The following DNAJA4 variants were observed in gnomAD, a reference collection of about 807,000 sequenced individuals.
DNAJA4 encodes DnaJ heat shock protein family (Hsp40) member A4.
Under a neutral mutation model 39.7 loss-of-function variants are expected in DNAJA4, and 32 were observed. The ratio of observed to expected loss-of-function variants is 0.81; its 90% CI spans 0.61 to 1.08. The LOEUF (loss-of-function observed/expected upper bound fraction) is 1.08. Ranked by LOEUF, DNAJA4 falls within the 50% of genes least tolerant of loss-of-function variation. DNAJA4 has a pLI of 0.00. For missense variants in DNAJA4, 439 were observed against 505.1 expected (o/e 0.87, Z 1.25); for synonymous variants, 184 against 182.4 (o/e 1.01, Z -0.07).
At chr15:78,267,165 A>T (rs1205732435) in intron 1 of DNAJA4, among the ~76,000 whole-genome samples, 12 of 108,736 alleles carry the variant, frequency 1.1e-4, no homozygotes, top group East Asian at 3.0e-4. Flanking sequence ...TGTGTATGTG[A>T]GTGTGTGAGT....
rs377270562 is a variant in DNAJA4 at position 78,275,745 on chromosome 15, T to C, written c.877+17T>C. On this transcript the variant is annotated intron_variant, in intron 5 of 6. Coordinates refer to ENST00000394852, the MANE Select transcript of DNAJA4 (RefSeq NM_001130182.2). ...CCAAAGCAGGTAATGTTTCAAAGTG[T>C]GTTTCCATTGATGTTCTGTATGTTT... 2 of 1,544,286 alleles carry C rather than the reference T, an allele frequency of 1.3e-6. No homozygotes were observed. The highest frequency in any genetic ancestry group is 1.4e-5 in the African/African-American group (1 of 73,546).
At chr15:78,264,241 G>A, upstream of DNAJA4, 2 of 891,342 alleles carry the variant, frequency 2.2e-6, no homozygotes, top group South Asian at 2.5e-5. Flanking sequence ...AGGGCAAGGG[G>A]GCGGCCTCGG....
rs1235451823 is a variant in DNAJA4 at position 78,275,720 on chromosome 15, C to T, written c.869C>T (p.Ser290Phe). 1 of 1,599,992 alleles carries T rather than the reference C, an allele frequency of 6.3e-7. No individual in the cohort carries two copies. The highest frequency in any genetic ancestry group is 1.7e-5 in the Admixed American group (1 of 59,874). Residue 290 changes from serine to phenylalanine, a missense_variant, in exon 5 of 7, where the codon TCC (serine) becomes TTC (phenylalanine). Physicochemically the swap from Ser to Phe is radical, Grantham distance 155. Coordinates refer to ENST00000394852, the MANE Select transcript of DNAJA4 (RefSeq NM_001130182.2). ...GACAATCGAATTCTTGTTATTACAT[C>T]CAAAGCAGGTAATGTTTCAAAGTGT... ...TLDNRILVIT[S>F]KAGEVIKHGD...
At chr15:78,265,126 C>T (rs550134690) in intron 1 of DNAJA4, among the ~76,000 whole-genome samples, 1 of 152,178 alleles carries the variant, frequency 6.6e-6, no homozygotes, top group Non-Finnish European at 1.5e-5. Flanking sequence ...TTGGGTCCCT[C>T]GCGAGTCCCT....
In DNAJA4 at chr15:78,280,105, A is replaced by G. The variant is rs767372952; in HGVS notation, c.938A>G (p.Lys313Arg). 5 of 1,614,088 alleles carry G rather than the reference A, an allele frequency of 3.1e-6. No homozygotes were observed. The highest frequency in any genetic ancestry group is 1.3e-5 in the African/African-American group (1 of 74,946). The change falls in exon 6 of 7, where the codon AAA becomes AGA. Residue 313 changes from lysine (K) to arginine (R), a missense_variant. By Grantham distance (26) the Lys-to-Arg change is conservative (BLOSUM62 2). Transcript: ENST00000394852. ...CVRDEGMPIY[K>R]APLEKGILII... ...CGCGATGAAGGAATGCCCATCTACA[A>G]AGCACCCCTGGAAAAAGGGATTCTG...
intron 1 of DNAJA4, chr15:78,266,156 A>G (rs2141425607): frequency 1.4e-6 from 2 of 1,453,056 alleles, no homozygotes; most frequent in African/African-American, 1.4e-5. Context: ...CCTGCTCCCT[A>G]CATTCATTGT....
Position 78,275,602 on chromosome 15 carries a change from G to A in DNAJA4, c.751G>A (p.Val251Ile), listed in dbSNP as rs1021798739. The A allele has an allele frequency of 6.2e-7, 1 of 1,614,178 alleles. No individual in the cohort carries two copies. Among genetic ancestry groups the A allele is most frequent in the Admixed American group, 1.7e-5 (1 of 60,030 alleles). Residue 251 changes from valine (V) to isoleucine (I), a missense_variant, in exon 5 of 7, where the codon GTC becomes ATC. Physicochemically the swap from Val to Ile is conservative, Grantham distance 29. Transcript: ENST00000394852. ...TGTGCTTGATCAGAAGGATCATAGTGTCTTTCAGAGACGAGGCCATGACTT... is the reference window on the plus strand; with the variant it reads ...TGTGCTTGATCAGAAGGATCATAGTATCTTTCAGAGACGAGGCCATGACTT... ...IIVLDQKDHS[V>I]FQRRGHDLIM...
Position 78,280,565 on chromosome 15 carries a change from G to A in DNAJA4, c.*105G>A, listed in dbSNP as rs544023673. 2.5e-5 allele frequency: 24 copies of A among 975,704 alleles called. No individual in the cohort carries two copies. Among genetic ancestry groups the A allele is most frequent in the Non-Finnish European group, 3.3e-5 (22 of 668,064 alleles). 60.4% of individuals were successfully genotyped at this position (975,704 alleles called of 1,614,324 possible). A position where few individuals can be genotyped will look rare whatever the true frequency, so the allele number is the denominator to read the frequency against. On this transcript the variant is annotated 3_prime_UTR_variant, in exon 7 of 7. Transcript: ENST00000394852. The stretch of plus-strand genomic sequence containing the variant: ...AATGGCCTTGTGTTTGGGATGTCCT[G>A]TGTATGTGTTCAGCATTCTTAATTG...
upstream of DNAJA4, chr15:78,264,282 C>T: frequency 7.4e-7 from 1 of 1,358,102 alleles, no homozygotes; most frequent in Non-Finnish European, 9.5e-7. Flanking sequence ...AGGGCGCCCT[C>T]CAGGCCCAAG....
intron 5 of DNAJA4, among the ~76,000 whole-genome samples, chr15:78,278,586 T>C (rs182732200): frequency 1.3e-5 from 2 of 152,302 alleles, no homozygotes; most frequent in Admixed American, 6.5e-5. Context: ...AGTAAAAGTT[T>C]GGTGTAATCT....
intron 5 of DNAJA4, chr15:78,277,841 T>A (rs959273066): frequency 2.8e-6 from 1 of 351,306 alleles, no homozygotes; most frequent in Non-Finnish European, 5.6e-6. Context: ...GAAATCCATT[T>A]CCTTCTTTAT....
rs575621077 is a variant in DNAJA4, at chr15:78,281,958, T to A, written c.*1498T>A. On this transcript the variant is annotated 3_prime_UTR_variant, in exon 7 of 7. Coordinates refer to ENST00000394852, the MANE Select transcript of DNAJA4 (RefSeq NM_001130182.2). ...TGGTGAGGATAGATATAAAATCACT[T>A]CTTCCAACGAAGCCTAGGTGAAAAT... 6.6e-5 allele frequency: 10 copies of A among 152,356 alleles called. No homozygotes were observed. Among genetic ancestry groups the A allele is most frequent in the Non-Finnish European group, 1.3e-4 (9 of 68,040 alleles). The allele number at this position is 152,356 out of a possible 1,614,324, so 9.4% of individuals were successfully genotyped here.
At chr15:78,276,936 C>G (rs1260458142) in intron 5 of DNAJA4, among the ~76,000 whole-genome samples, 9 of 152,168 alleles carry the variant, frequency 5.9e-5, no homozygotes, top group Non-Finnish European at 1.2e-4. Flanking sequence ...CTCTTTTTCT[C>G]TTTCCTCTCT....
Position 78,270,675 on chromosome 15 carries a change from G to C in DNAJA4, c.311G>C (p.Arg104Thr). 1.2e-6 allele frequency: 2 copies of C among 1,612,432 alleles called. No homozygotes were observed. Among genetic ancestry groups the C allele is most frequent in the Non-Finnish European group, 1.7e-6 (2 of 1,179,410 alleles). ...GGTGGACGGATGGCTAGAGAGAGAA[G>C]AGGTAAATGCTTTTAAAGAAACATA... is the stretch of plus-strand genomic sequence containing the variant. ...GGGGRMARER[R>T]GKNVVHQLSV... The change falls in exon 2 of 7, where the codon AGA becomes ACA. Residue 104 changes from arginine (R) to threonine (T), a missense_variant and splice_region_variant. Coordinates refer to ENST00000394852, the MANE Select transcript of DNAJA4 (RefSeq NM_001130182.2).
Position 78,264,584 on chromosome 15 carries a change from A to C in DNAJA4, c.-180A>C. 8.5e-7 allele frequency: 1 copy of C among 1,181,808 alleles called. No individual in the cohort carries two copies. The highest frequency in any genetic ancestry group is 3.6e-5 in the East Asian group (1 of 27,542). The allele number at this position is 1,181,808 out of a possible 1,614,324, so 73.2% of individuals were successfully genotyped here. On this transcript the variant is annotated 5_prime_UTR_variant, in exon 1 of 7. Coordinates refer to ENST00000394852, the MANE Select transcript of DNAJA4 (RefSeq NM_001130182.2). ...TCTAGTGCGGTGGAGCCAGGCGTGG[A>C]AGTCGGTCCGGCGCGGGGCGGGGGG...
chr15:78,280,172 G>C, intron 6 of DNAJA4, 27 bp downstream of exon 6: 1 of 1,611,668 alleles, frequency 6.2e-7, no homozygotes. Context: ...TCATTGTCAT[G>C]GACATATTAT....
In DNAJA4 at chr15:78,279,652, T is replaced by C. The variant is rs923089044; in HGVS notation, c.878-393T>C. 9.5e-6 allele frequency: 2 copies of C among 209,850 alleles called. No individual in the cohort carries two copies. Among genetic ancestry groups the C allele is most frequent in the African/African-American group, 2.3e-5 (1 of 43,450 alleles). 13.0% of individuals were successfully genotyped at this position (209,850 alleles called of 1,614,324 possible). On this transcript the variant is annotated intron_variant, in intron 5 of 6. Transcript: ENST00000394852. The surrounding 1 kb of genome is among the most constrained non-coding windows in gnomAD (Gnocchi z 4.5). ...CTCTATTGAGGCTTCTTCCTGTCTG[T>C]GGGGAGCACTCCTGTCCCCCTCGTG...
rs2141472534 is a variant in DNAJA4, at chr15:78,279,915, G to A, written c.878-130G>A. 5 of 785,210 alleles carry A rather than the reference G, an allele frequency of 6.4e-6. No homozygotes were observed. The highest frequency in any genetic ancestry group is 5.3e-5 in the South Asian group (3 of 56,604). The allele number at this position is 785,210 out of a possible 1,614,324, so 48.6% of individuals were successfully genotyped here. ...ACCTGGGATTGGGGCCAGCTTTCCAGTCAGATGCCACGTTTCCTTTGCCCA... is the reference window on the plus strand; with the variant it reads ...ACCTGGGATTGGGGCCAGCTTTCCAATCAGATGCCACGTTTCCTTTGCCCA... On this transcript the variant is annotated intron_variant, in intron 5 of 6. Transcript: ENST00000394852. This position sits in a 1 kb window ranked among gnomAD's most constrained non-coding sequence, Gnocchi z 4.5.
Position 78,276,022 on chromosome 15 carries a change from A to G in DNAJA4, c.877+294A>G, listed in dbSNP as rs927320535. Among the ~76,000 whole-genome samples the G allele has an allele frequency of 3.7e-4, 56 of 152,230 alleles. 1 individual carries two copies. Among genetic ancestry groups the G allele is most frequent in the Admixed American group, 2.0e-4 (3 of 15,286 alleles). Reference sequence around the variant, plus strand: ...TTTCTCTAAATTTAAAACTGTCCCTAATAACTCTGGATAATTTATAAAGTT... The same window carrying G: ...TTTCTCTAAATTTAAAACTGTCCCTGATAACTCTGGATAATTTATAAAGTT... On this transcript the variant is annotated intron_variant, in intron 5 of 6. Coordinates refer to ENST00000394852, the MANE Select transcript of DNAJA4 (RefSeq NM_001130182.2).
Sources: gnomAD v4.1 joint callset for allele counts (sites outside exome capture counted in the v4.1 genomes callset) on GRCh38, gnomAD v4.1.1 for gene constraint, Gnocchi (gnomAD v3.1) non-coding constraint, MANE v1.5 for transcripts, NCBI Gene and HGNC (gene_info 2026-07-23, HGNC 2026-07-21) for gene names.